CACNA2D1: variants seen among roughly 807,000 people sequenced by gnomAD.
The protein encoded by CACNA2D1 is calcium voltage-gated channel auxiliary subunit alpha2delta 1, also known as voltage-dependent calcium channel subunit alpha-2/delta-1.
In CACNA2D1, 53 loss-of-function variants were observed where a neutral mutation model predicts 171.5. The observed-to-expected ratio is 0.31, with a 90% CI of 0.25 to 0.39. CACNA2D1 has a LOEUF of 0.39. CACNA2D1 is among the 10% of genes least tolerant of loss of function. The pLI is 1.00. For synonymous variants in CACNA2D1, 442 were observed against 443.1 expected, an observed-to-expected ratio of 1.00 and a Z score of 0.03; for missense variants, 903 against 1,299.8, an observed-to-expected ratio of 0.69 and a Z score of 4.69.
intron 3 of CACNA2D1, among the ~76,000 whole-genome samples, chr7:82,216,649 G>T (rs1258983866): frequency 6.6e-6 from 1 of 151,894 alleles, no homozygotes; most frequent in African/African-American, 2.4e-5. Flanking sequence ...ACCATAATGA[G>T]ATAGTTTGCT....
chr7:82,406,248 T>C (rs1304102159), intron 1 of CACNA2D1, among the ~76,000 whole-genome samples: 1 of 152,224 alleles, frequency 6.6e-6, no homozygotes, highest in Non-Finnish European at 1.5e-5. Context: ...CTGCATAGTA[T>C]TCCATGGTGT....
chr7:82,285,972 G>C (rs1412767413), intron 3 of CACNA2D1, among the ~76,000 whole-genome samples: 2 of 152,138 alleles, frequency 1.3e-5, no homozygotes, highest in East Asian at 3.9e-4. Context: ...CTGAGGAACT[G>C]AAAGCATTTT....
At chr7:82,047,052 T>A (rs759302860) in intron 10 of CACNA2D1, among the ~76,000 whole-genome samples, 12 of 152,110 alleles carry the variant, frequency 7.9e-5, no homozygotes, top group Non-Finnish European at 1.6e-4. Context: ...AAACTGAATT[T>A]AGGATCCCCC....
chr7:82,007,430 ACT>A (rs1229711202), intron 16 of CACNA2D1, among the ~76,000 whole-genome samples: 1 of 151,984 alleles, frequency 6.6e-6, no homozygotes, highest in Non-Finnish European at 1.5e-5. Flanking sequence ...CCAGAGTCTG[ACT>A]CTGTGTTCTC....
chr7:82,013,418 T>G, intron 14 of CACNA2D1, 43 bp downstream of exon 14: 2 of 893,104 alleles, frequency 2.2e-6, no homozygotes, highest in Non-Finnish European at 3.2e-6. Flanking sequence ...AAAATATCTT[T>G]TACTTGAAAA....
chr7:82,057,970 A>T (rs1283541520), intron 10 of CACNA2D1, among the ~76,000 whole-genome samples: 1 of 152,136 alleles, frequency 6.6e-6, no homozygotes, highest in Non-Finnish European at 1.5e-5. Context: ...AGAATCATTG[A>T]CTGGATAGAC....
At chr7:82,166,956 T>C (rs918668611) in intron 4 of CACNA2D1, among the ~76,000 whole-genome samples, 9 of 152,050 alleles carry the variant, frequency 5.9e-5, no homozygotes, top group African/African-American at 1.4e-4. Flanking sequence ...ATGAGATTTC[T>C]CTACATTACA....
rs1355486689 is a variant in CACNA2D1 at position 82,138,447 on chromosome 7, TTG to T, written c.355-1773_355-1772del. Among the ~76,000 whole-genome samples, 109 of 52,948 alleles carry T rather than the reference TTG, an allele frequency of 2.1e-3. 6 individuals carry two copies. Among genetic ancestry groups the T allele is most frequent in the Admixed American group, 4.3e-3 (15 of 3,502 alleles). 34.7% of individuals were successfully genotyped at this position (52,948 alleles called of 152,430 possible). Reference sequence around the variant, plus strand: ...ATTAGTTTTGTTTTTTTTGTTTTTTTTGTTTTTTTTTTTTTTTGAGACAGAGT... The same window carrying T: ...ATTAGTTTTGTTTTTTTTGTTTTTTTTTTTTTTTTTTTTTTGAGACAGAGT... On this transcript the variant is annotated intron_variant, in intron 4 of 38. Transcript: ENST00000356860.
chr7:82,092,992 T>C (rs1485694594), intron 6 of CACNA2D1, among the ~76,000 whole-genome samples: 1 of 150,812 alleles, frequency 6.6e-6, no homozygotes, highest in Non-Finnish European at 1.5e-5. Flanking sequence ...CAAATTAAAG[T>C]GTGTGGTTTT....
At chr7:81,996,709 T>C (rs1248574820) in intron 19 of CACNA2D1, among the ~76,000 whole-genome samples, 1 of 151,414 alleles carries the variant, frequency 6.6e-6, no homozygotes, top group Non-Finnish European at 1.5e-5. Flanking sequence ...TATGGAAGAC[T>C]CTCTCAGAGG....
At chr7:82,008,572 C>A (rs1452628616) in intron 15 of CACNA2D1, among the ~76,000 whole-genome samples, 3 of 152,064 alleles carry the variant, frequency 2.0e-5, no homozygotes, top group Admixed American at 6.6e-5. Context: ...ATAATTTTAA[C>A]CATTTCATGT....
intron 4 of CACNA2D1, among the ~76,000 whole-genome samples, chr7:82,149,391 T>C (rs1793530274): frequency 6.6e-6 from 1 of 151,260 alleles, no homozygotes; most frequent in Non-Finnish European, 1.5e-5. Flanking sequence ...AATAGGAGAG[T>C]AGAGAAGTGA....
At chr7:82,329,291 C>G (rs1018057027) in intron 3 of CACNA2D1, among the ~76,000 whole-genome samples, 1 of 152,082 alleles carries the variant, frequency 6.6e-6, no homozygotes, top group African/African-American at 2.4e-5. Flanking sequence ...GAGTATATTA[C>G]AGTATTTAAA....
chr7:82,221,440 C>A (rs1026614181), intron 3 of CACNA2D1, among the ~76,000 whole-genome samples: 13 of 152,106 alleles, frequency 8.5e-5, no homozygotes, highest in Non-Finnish European at 1.6e-4. Flanking sequence ...TGAGCTATGA[C>A]CTGGCTTTAG....
At position 82,288,422 on chromosome 7, in the gene CACNA2D1, T is replaced by TAC. The variant is rs3054677; in HGVS notation, c.294+46711_294+46712dup. Reference sequence around the variant, plus strand: ...TAAAAGATGTATTATTTTGCTTCTATACACACACACACACACACACACACA... The same window carrying TAC: ...TAAAAGATGTATTATTTTGCTTCTATACACACACACACACACACACACACACA... On this transcript the variant is annotated intron_variant, in intron 3 of 38. Coordinates refer to ENST00000356860, the MANE Select transcript of CACNA2D1 (RefSeq NM_000722.4). 8.7e-3 allele frequency among the ~76,000 whole-genome samples: 1,278 copies of TAC among 147,354 alleles called. 4 individuals carry two copies. Among genetic ancestry groups the TAC allele is most frequent in the African/African-American group, 0.02 (787 of 40,116 alleles).
intron 3 of CACNA2D1, among the ~76,000 whole-genome samples, chr7:82,187,907 C>T (rs2129181294): frequency 6.6e-6 from 1 of 152,230 alleles, no homozygotes; most frequent in Middle Eastern, 3.4e-3. Flanking sequence ...CATAGGCATA[C>T]ATATGTATGA....
chr7:81,970,493 T>C (rs574114408), intron 27 of CACNA2D1, among the ~76,000 whole-genome samples, 182 bp downstream of exon 27: 1 of 151,702 alleles, frequency 6.6e-6, no homozygotes, highest in Admixed American at 6.6e-5. Context: ...TGAAGAATTT[T>C]ATAATGTCAT....
intron 3 of CACNA2D1, among the ~76,000 whole-genome samples, chr7:82,239,769 C>T (rs1358656886): frequency 6.6e-6 from 1 of 152,010 alleles, no homozygotes; most frequent in Admixed American, 6.6e-5. Flanking sequence ...TAGTGAATTA[C>T]TTTGTAAAAG....
At chr7:82,162,070 G>A (rs115060221) in intron 4 of CACNA2D1, among the ~76,000 whole-genome samples, 1,563 of 152,130 alleles carry the variant, frequency 0.01, 39 homozygotes, top group African/African-American at 0.036. Context: ...AAGACATGAA[G>A]TGTGAAGATA....
Sources: gnomAD v4.1 joint callset for allele counts (sites outside exome capture counted in the v4.1 genomes callset) on GRCh38, gnomAD v4.1.1 for gene constraint, MANE v1.5 for transcripts, NCBI Gene and HGNC (gene_info 2026-07-23, HGNC 2026-07-21) for gene names.